ZNF516: variants seen among roughly 807,000 people sequenced by gnomAD.
ZNF516 encodes the protein zinc finger protein 516.
ZNF516 carries 19 observed loss-of-function variants against 79.7 expected under a neutral mutation model. The ratio of observed to expected loss-of-function variants is 0.24; its 90% CI spans 0.17 to 0.35. The LOEUF (loss-of-function observed/expected upper bound fraction) is 0.35. Ranked by LOEUF, ZNF516 falls within the 10% of genes least tolerant of loss-of-function variation. The probability of loss-of-function intolerance (pLI) is 1.00; values close to 1 mark genes in which losing one functional copy is unlikely to be tolerated. For synonymous variants in ZNF516, 877 were observed against 739.5 expected (o/e 1.19, Z -3.02); for missense variants, 1,678 against 1,679.5 (o/e 1.00, Z 0.02).
At chr18:76,454,132 T>C (rs1334544730) in intron 2 of ZNF516, among the ~76,000 whole-genome samples, 7 of 152,212 alleles carry the variant, frequency 4.6e-5, no homozygotes, top group Admixed American at 2.6e-4. Context: ...CAGTAAGCCA[T>C]AAGGCATTCT....
chr18:76,492,315 T>C, intron 1 of ZNF516: 1 of 985,436 alleles, frequency 1.0e-6, no homozygotes, highest in Non-Finnish European at 1.2e-6. Flanking sequence ...CCGATATTCC[T>C]GAGAAAGTCG....
upstream of ZNF516, chr18:76,495,648 C>T (rs1299643970): frequency 1.2e-5 from 12 of 1,023,394 alleles, no homozygotes; most frequent in African/African-American, 5.3e-5. Flanking sequence ...TGCTGCAGCC[C>T]CGGCTCCCGG....
At chr18:76,367,943 G>T (rs1000394419) in intron 6 of ZNF516, among the ~76,000 whole-genome samples, 5 of 152,018 alleles carry the variant, frequency 3.3e-5, no homozygotes, top group African/African-American at 1.2e-4. Context: ...AATAATTTCT[G>T]CATGAATACA....
intron 3 of ZNF516, among the ~76,000 whole-genome samples, chr18:76,438,377 T>C (rs2075772790): frequency 6.6e-6 from 1 of 152,226 alleles, no homozygotes; most frequent in African/African-American, 2.4e-5. Context: ...ATGTTGGAAA[T>C]GTTGATTTTT....
In ZNF516 at chr18:76,459,652, G is replaced by A. The variant is rs897890317; in HGVS notation, c.-158+3376C>T. Among the ~76,000 whole-genome samples the A allele has an allele frequency of 1.3e-5, 2 of 152,194 alleles. No homozygotes were observed. Among genetic ancestry groups the A allele is most frequent in the African/African-American group, 4.8e-5 (2 of 41,454 alleles). ...CCACAGCCCGAGTCAGAGTGGCCCA[G>A]CCTCCCCTGGACCTGATGCGGGGCT... is the stretch of plus-strand genomic sequence containing the variant. On this transcript the variant is annotated intron_variant, in intron 2 of 6. Coordinates refer to ENST00000443185, the MANE Select transcript of ZNF516 (RefSeq NM_014643.4). This position sits in a 1 kb window ranked among gnomAD's most constrained non-coding sequence, Gnocchi z 5.0.
At chr18:76,396,780 G>T (rs962340493) in intron 3 of ZNF516, among the ~76,000 whole-genome samples, 1 of 152,218 alleles carries the variant, frequency 6.6e-6, no homozygotes, top group Non-Finnish European at 1.5e-5. Context: ...CTGTGGAGAA[G>T]AGAGGCCATT....
intron 1 of ZNF516, among the ~76,000 whole-genome samples, chr18:76,481,773 T>G (rs747343989): frequency 6.6e-6 from 1 of 152,258 alleles, no homozygotes; most frequent in Non-Finnish European, 1.5e-5. Context: ...AGGGAACTAG[T>G]TATTGAGGCA....
At chr18:76,422,291 G>A (rs967344235) in intron 3 of ZNF516, among the ~76,000 whole-genome samples, 32 of 152,312 alleles carry the variant, frequency 2.1e-4, no homozygotes, top group African/African-American at 7.7e-4. Flanking sequence ...AGAGCGGGCC[G>A]GTCCCTCGGC....
At chr18:76,463,764 G>A (rs537867557) in intron 1 of ZNF516, among the ~76,000 whole-genome samples, 2 of 152,202 alleles carry the variant, frequency 1.3e-5, no homozygotes, top group Admixed American at 6.5e-5. Flanking sequence ...ATGTTTCAGG[G>A]TGTGGCACAG....
rs925541478 is a variant in ZNF516 at position 76,491,176 on chromosome 18, C to A, written c.-272+3968G>T. 9 of 910,048 alleles carry A rather than the reference C, an allele frequency of 9.9e-6. No individual in the cohort carries two copies. In the African/African-American group the frequency reaches 1.6e-4, roughly 16 times the overall value. 56.4% of individuals were successfully genotyped at this position (910,048 alleles called of 1,614,324 possible). A position where few individuals can be genotyped will look rare whatever the true frequency, so the allele number is the denominator to read the frequency against. On this transcript the variant is annotated intron_variant, in intron 1 of 6. Coordinates refer to ENST00000443185, the MANE Select transcript of ZNF516 (RefSeq NM_014643.4). Reference sequence around the variant, plus strand: ...CAATTACCTGGGCTCCGCCGCGCCTCGGCCCCCGGAGCCCGGTCCACGCCG... The same window carrying A: ...CAATTACCTGGGCTCCGCCGCGCCTAGGCCCCCGGAGCCCGGTCCACGCCG...
At position 76,358,605 on chromosome 18, in the gene ZNF516, C is replaced by T. The variant is rs186328616; in HGVS notation, c.*3893G>A. 3 of 152,322 alleles carry T rather than the reference C, an allele frequency of 2.0e-5. No homozygotes were observed. Among genetic ancestry groups the T allele is most frequent in the South Asian group, 2.1e-4 (1 of 4,830 alleles). 9.4% of individuals were successfully genotyped at this position (152,322 alleles called of 1,614,324 possible). A position where few individuals can be genotyped will look rare whatever the true frequency, so the allele number is the denominator to read the frequency against. On this transcript the variant is annotated 3_prime_UTR_variant, in exon 7 of 7. Transcript: ENST00000443185. ...CTGTTTTTTTGCTCAGTGAACAAAA[C>T]GTTCTGAAATTAGAACTCACCAAAG... is the stretch of plus-strand genomic sequence containing the variant.
At chr18:76,458,610 C>T (rs568833813) in intron 2 of ZNF516, among the ~76,000 whole-genome samples, 12 of 151,714 alleles carry the variant, frequency 7.9e-5, no homozygotes, top group African/African-American at 1.5e-4. Flanking sequence ...CTGTGGGCAA[C>T]GCCAGGCCTC....
At position 76,406,877 on chromosome 18, in the gene ZNF516, G is replaced by A. The variant is rs561065604; in HGVS notation, c.1811-26574C>T. ...ACACGAGCACCGCCTCTTTGAGAGTGGGAGACAGCAGCCGAGTGGCCGCAT... is the reference window on the plus strand; with the variant it reads ...ACACGAGCACCGCCTCTTTGAGAGTAGGAGACAGCAGCCGAGTGGCCGCAT... On this transcript the variant is annotated intron_variant, in intron 3 of 6. Transcript: ENST00000443185. Among the ~76,000 whole-genome samples, 8 of 152,282 alleles carry A rather than the reference G, an allele frequency of 5.3e-5. No individual in the cohort carries two copies. In the South Asian group the frequency reaches 1.2e-3, roughly 24 times the overall value.
intron 3 of ZNF516, among the ~76,000 whole-genome samples, chr18:76,395,795 C>T (rs964863298): frequency 2.6e-5 from 4 of 152,122 alleles, no homozygotes; most frequent in African/African-American, 9.7e-5. Context: ...TCCCAAATGA[C>T]GTCACCACCC....
At chr18:76,385,037 T>TG (rs1243059403) in intron 3 of ZNF516, among the ~76,000 whole-genome samples, 1 of 152,180 alleles carries the variant, frequency 6.6e-6, no homozygotes, top group African/African-American at 2.4e-5. Context: ...GCTCTCCGGG[T>TG]GCACGGAAGC....
chr18:76,459,514 G>A lies in ZNF516; in HGVS notation c.-158+3514C>T, dbSNP rs903332790. Among the ~76,000 whole-genome samples the A allele has an allele frequency of 2.0e-5, 3 of 152,234 alleles. No homozygotes were observed. Among genetic ancestry groups the A allele is most frequent in the East Asian group, 1.9e-4 (1 of 5,192 alleles). On this transcript the variant is annotated intron_variant, in intron 2 of 6. Transcript: ENST00000443185. This position sits in a 1 kb window ranked among gnomAD's most constrained non-coding sequence, Gnocchi z 5.0. ...TTGTGCCATTCAGGACGTGGCGGCC[G>A]TGTGCACCCCATCGGGCACCGCGTC...
At position 76,490,663 on chromosome 18, in the gene ZNF516, A is replaced by C. The variant is rs1482648045; in HGVS notation, c.-272+4481T>G. On this transcript the variant is annotated intron_variant, in intron 1 of 6. Transcript: ENST00000443185. The stretch of plus-strand genomic sequence containing the variant: ...CATAGCCCCATGGTGAACGTACATC[A>C]CTCAGCTTTTAAATTACCTTCAATC... 3.1e-5 allele frequency: 18 copies of C among 577,406 alleles called. No individual in the cohort carries two copies. In the South Asian group the frequency reaches 6.8e-4, roughly 22 times the overall value. 35.8% of individuals were successfully genotyped at this position (577,406 alleles called of 1,614,324 possible).
At chr18:76,479,283 C>T (rs1335322470) in intron 1 of ZNF516, among the ~76,000 whole-genome samples, 1 of 152,176 alleles carries the variant, frequency 6.6e-6, no homozygotes, top group Non-Finnish European at 1.5e-5. Flanking sequence ...AAGAACAGAA[C>T]GTCCCTGTGA....
chr18:76,477,567 T>TC (rs1294062239), intron 1 of ZNF516, among the ~76,000 whole-genome samples: 1 of 152,200 alleles, frequency 6.6e-6, no homozygotes, highest in Non-Finnish European at 1.5e-5. Context: ...TTTTGTGCTT[T>TC]CTTTGTGGCA....
Sources: gnomAD v4.1 joint callset for allele counts (sites outside exome capture counted in the v4.1 genomes callset) on GRCh38, gnomAD v4.1.1 for gene constraint, Gnocchi (gnomAD v3.1) non-coding constraint, MANE v1.5 for transcripts, NCBI Gene and HGNC (gene_info 2026-07-23, HGNC 2026-07-21) for gene names.